Variants in CYP39A1 observed in about 807,000 individuals in gnomAD.
CYP39A1 encodes the protein cytochrome P450 family 39 subfamily A member 1.
A neutral mutation model predicts 58.1 loss-of-function variants in CYP39A1; 49 were observed. The observed-to-expected ratio is 0.84, with a 90% confidence interval of 0.67 to 1.07. CYP39A1 has a LOEUF of 1.07. Ranked by LOEUF, CYP39A1 falls within the 50% of genes least tolerant of loss-of-function variation. The probability of loss-of-function intolerance (pLI) is 0.00; values close to 1 mark genes in which losing one functional copy is unlikely to be tolerated. For missense variants in CYP39A1, 531 were observed against 539.4 expected, an observed-to-expected ratio of 0.98 and a Z score of 0.16; for synonymous variants, 209 against 187.6, an observed-to-expected ratio of 1.11 and a Z score of -0.93.
chr6:46,625,461 G>A lies in CYP39A1; in HGVS notation c.888C>T (p.His296=), dbSNP rs772707042. 1.2e-6 allele frequency: 2 copies of A among 1,611,262 alleles called. No individual in the cohort carries two copies. Among genetic ancestry groups the A allele is most frequent in the Admixed American group, 3.3e-5 (2 of 59,872 alleles). ...AAGATATGCCTTCCATAATGGCCTT[G>A]TGGATATCAGGATGAGAAAGGACGT... ...LAYVLSHPDI[H]KAIMEGISSV... Residue 296 remains histidine (H), a synonymous_variant, in exon 7 of 12, where the codon CAC becomes CAT. Transcript: ENST00000275016.
chr6:46,583,508 G>T (rs909770560), intron 10 of CYP39A1: 1 of 985,176 alleles, frequency 1.0e-6, no homozygotes. Context: ...CTGCTATAAT[G>T]AGACTCTTCA....
chr6:46,606,254 C>T lies in CYP39A1; in HGVS notation c.932-10134G>A, dbSNP rs568413237. On this transcript the variant is annotated intron_variant, in intron 7 of 11. Transcript: ENST00000275016. ...ATAAATGTATTAGAGATGTAGCCTA[C>T]ATTTGGAAAATAAATATTTTGATAA... Among the ~76,000 whole-genome samples the T allele has an allele frequency of 7.0e-4, 106 of 152,192 alleles. 1 individual carries two copies. In the South Asian group the frequency reaches 0.021, roughly 30 times the overall value.
intron 8 of CYP39A1, among the ~76,000 whole-genome samples, chr6:46,595,735 G>T (rs1009581707): frequency 1.3e-5 from 2 of 151,948 alleles, no homozygotes; most frequent in Non-Finnish European, 2.9e-5. Flanking sequence ...ATTACCAAGA[G>T]AATAGATTTT....
chr6:46,625,187 T>C (rs1775234931), intron 7 of CYP39A1, among the ~76,000 whole-genome samples: 1 of 152,140 alleles, frequency 6.6e-6, no homozygotes, highest in Admixed American at 6.5e-5. Flanking sequence ...TCACAATCTC[T>C]ATAGCACTGA....
At chr6:46,639,759 C>A in intron 2 of CYP39A1, 91 bp from the exon 3 acceptor site, 1 of 1,101,208 alleles carries the variant, frequency 9.1e-7, no homozygotes, top group Non-Finnish European at 1.3e-6. Context: ...TCAGCAGGGA[C>A]TACAGCCAAA....
At position 46,557,462 on chromosome 6, in the gene CYP39A1, C is replaced by T. The variant is rs547143681; in HGVS notation, c.1251-3608G>A. On this transcript the variant is annotated intron_variant, in intron 10 of 11. Transcript: ENST00000275016. ...TTGAGACCAGCTTGGCCAACATAGC[C>T]AAACCTCGTCTCTAATAAAAATACA... Among the ~76,000 whole-genome samples the T allele has an allele frequency of 2.0e-5, 3 of 151,624 alleles. No individual in the cohort carries two copies. In the East Asian group the frequency reaches 5.9e-4, roughly 30 times the overall value.
intron 1 of CYP39A1, among the ~76,000 whole-genome samples, chr6:46,646,566 A>T (rs749159982): frequency 6.6e-6 from 1 of 152,062 alleles, no homozygotes; most frequent in Non-Finnish European, 1.5e-5. Flanking sequence ...TCAAGGTAAT[A>T]CCAGCTTCAT....
intron 1 of CYP39A1, among the ~76,000 whole-genome samples, chr6:46,646,185 T>G (rs1762312152): frequency 6.6e-6 from 1 of 152,100 alleles, no homozygotes; most frequent in Admixed American, 6.5e-5. Context: ...CAGAGATCTT[T>G]GCTTTGTTCC....
intron 8 of CYP39A1, among the ~76,000 whole-genome samples, chr6:46,593,022 T>C (rs944758896): frequency 9.2e-5 from 14 of 152,242 alleles, no homozygotes; most frequent in African/African-American, 3.1e-4. Context: ...TAAATATTTA[T>C]GCTTTCAAGA....
intron 10 of CYP39A1, among the ~76,000 whole-genome samples, chr6:46,567,165 C>T (rs1771337311): frequency 6.6e-6 from 1 of 152,094 alleles, no homozygotes; most frequent in South Asian, 2.1e-4. Flanking sequence ...CTGGTAACCA[C>T]CATTCTACTC....
rs886886837 is a variant in CYP39A1, at chr6:46,639,794, T to C, written c.314-126A>G. The C allele has an allele frequency of 3.1e-5, 22 of 700,088 alleles. No individual in the cohort carries two copies. In the East Asian group the frequency reaches 5.8e-4, roughly 18 times the overall value. 43.4% of individuals were successfully genotyped at this position (700,088 alleles called of 1,614,324 possible). ...AGTCCTCTCAGTACATAAGGTCACC[T>C]CCCATAAATAAAAGTAGATAAAGAT... On this transcript the variant is annotated intron_variant, in intron 2 of 11. Transcript: ENST00000275016.
Position 46,596,124 on chromosome 6 carries a change from T to TA in CYP39A1, c.932-5dup. On this transcript the variant is annotated splice_polypyrimidine_tract_variant and splice_region_variant and intron_variant, in intron 7 of 11. Transcript: ENST00000275016. ...GACACTTTAATCTTATCTTTGCCTG[T>TA]AAAAAAATTTTTAATGAGAAATAAA... is the stretch of plus-strand genomic sequence containing the variant. The TA allele has an allele frequency of 1.3e-6, 2 of 1,591,778 alleles. No individual in the cohort carries two copies. Among genetic ancestry groups the TA allele is most frequent in the South Asian group, 1.2e-5 (1 of 86,508 alleles).
At chr6:46,584,431 C>T (rs1772335415) in intron 10 of CYP39A1, among the ~76,000 whole-genome samples, 1 of 152,138 alleles carries the variant, frequency 6.6e-6, no homozygotes, top group Non-Finnish European at 1.5e-5. Flanking sequence ...TTTAAAGCCA[C>T]AGTCCACCTC....
chr6:46,636,487 A>G lies in CYP39A1; in HGVS notation c.639-5T>C. The G allele has an allele frequency of 6.4e-7, 1 of 1,572,750 alleles. No individual in the cohort carries two copies. The highest frequency in any genetic ancestry group is 8.7e-7 in the Non-Finnish European group (1 of 1,152,120). ...TTTTTGGATTTTGACCAGTTTCTAC[A>G]TGAGAAAAAATATATATAGAAATTA... On this transcript the variant is annotated splice_polypyrimidine_tract_variant and splice_region_variant and intron_variant, in intron 4 of 11. Coordinates refer to ENST00000275016, the MANE Select transcript of CYP39A1 (RefSeq NM_016593.5).
At chr6:46,622,741 C>T (rs889305055) in intron 7 of CYP39A1, among the ~76,000 whole-genome samples, 1 of 152,000 alleles carries the variant, frequency 6.6e-6, no homozygotes, top group Non-Finnish European at 1.5e-5. Flanking sequence ...AGAAGGTGTA[C>T]AGGATTAGTT....
chr6:46,569,875 T>G lies in CYP39A1; in HGVS notation c.1251-16021A>C, dbSNP rs564277495. ...TTGTCTGACTTTTGTGTCAGGGTAA[T>G]GCTTTGTAAAATGGGTTTGGAAGTG... On this transcript the variant is annotated intron_variant, in intron 10 of 11. Coordinates refer to ENST00000275016, the MANE Select transcript of CYP39A1 (RefSeq NM_016593.5). 7.9e-5 allele frequency among the ~76,000 whole-genome samples: 12 copies of G among 152,218 alleles called. No individual in the cohort carries two copies. The South Asian group carries it at 2.3e-3, about 29-fold the overall frequency.
At chr6:46,567,456 T>A (rs754816296) in intron 10 of CYP39A1, among the ~76,000 whole-genome samples, 52 of 152,098 alleles carry the variant, frequency 3.4e-4, no homozygotes, top group Non-Finnish European at 8.8e-5. Flanking sequence ...TCTTTTGAGA[T>A]ACTGATTTTG....
chr6:46,579,798 G>A (rs1448709779), intron 10 of CYP39A1, among the ~76,000 whole-genome samples: 3 of 151,832 alleles, frequency 2.0e-5, no homozygotes, highest in Admixed American at 2.0e-4. Flanking sequence ...AGCTAACCAG[G>A]GAGGTAAAAT....
intron 10 of CYP39A1, among the ~76,000 whole-genome samples, chr6:46,579,318 T>C (rs906414693): frequency 6.6e-6 from 1 of 151,992 alleles, no homozygotes; most frequent in Non-Finnish European, 1.5e-5. Flanking sequence ...TTCCTTCATG[T>C]TAAAAACCCT....
Sources: allele counts gnomAD v4.1 joint callset (sites outside exome capture counted in the v4.1 genomes callset), GRCh38; gene constraint gnomAD v4.1.1; transcripts MANE v1.5; gene names NCBI Gene and HGNC (gene_info 2026-07-23, HGNC 2026-07-21).